PAK5: variants seen among roughly 807,000 people sequenced by gnomAD.
The protein encoded by PAK5 is serine/threonine-protein kinase PAK 5.
A neutral mutation model predicts 65.9 loss-of-function variants in PAK5; 16 were observed. The ratio of observed to expected loss-of-function variants is 0.24; its 90% confidence interval spans 0.16 to 0.37. The LOEUF (loss-of-function observed/expected upper bound fraction) is 0.37, where lower values mean the gene tolerates loss of function less well. PAK5 is among the 10% of genes least tolerant of loss of function. PAK5 has a pLI of 1.00. For synonymous variants in PAK5, 371 were observed against 354.9 expected (o/e 1.05, Z -0.51); for missense variants, 785 against 903.9 (o/e 0.87, Z 1.69).
chr20:9,605,421 G>A (rs1252521834), intron 3 of PAK5, among the ~76,000 whole-genome samples: 1 of 152,220 alleles, frequency 6.6e-6, no homozygotes. Flanking sequence ...ATGGATAGAT[G>A]TAGGTTTGAA....
intron 2 of PAK5, among the ~76,000 whole-genome samples, chr20:9,676,867 T>C (rs975553919): frequency 2.0e-5 from 3 of 152,214 alleles, no homozygotes; most frequent in Non-Finnish European, 2.9e-5. Flanking sequence ...TGCTTATGTT[T>C]TGTGCATTAA....
chr20:9,560,951 G>C (rs874055), intron 6 of PAK5, among the ~76,000 whole-genome samples: 24,599 of 152,140 alleles, frequency 0.16, 2,337 homozygotes, highest in African/African-American at 0.26. Flanking sequence ...CTGAGATTCT[G>C]CATTTCTAAC....
chr20:9,773,596 T>G (rs960223133), intron 1 of PAK5, among the ~76,000 whole-genome samples: 2 of 151,952 alleles, frequency 1.3e-5, no homozygotes, highest in Admixed American at 1.3e-4. Flanking sequence ...AGGAAGTATA[T>G]GAGAAAGAGA....
At chr20:9,539,667 C>G (rs745680969) in intron 9 of PAK5, 50 bp from the exon 10 acceptor site, 1 of 1,497,786 alleles carries the variant, frequency 6.7e-7, no homozygotes, top group Non-Finnish European at 9.2e-7. Flanking sequence ...GACACCTAAC[C>G]CAGTCCCCAA....
At chr20:9,701,113 A>T (rs1569047831) in intron 2 of PAK5, among the ~76,000 whole-genome samples, 1 of 152,172 alleles carries the variant, frequency 6.6e-6, no homozygotes. Flanking sequence ...TGGTCTCCAC[A>T]GGCATGAGAA....
intron 1 of PAK5, among the ~76,000 whole-genome samples, chr20:9,755,019 C>G (rs1260718513): frequency 6.6e-6 from 1 of 152,090 alleles, no homozygotes; most frequent in Non-Finnish European, 1.5e-5. Context: ...ATCAGCTGAC[C>G]AAATGTGATG....
chr20:9,764,486 C>A (rs1267736661), intron 1 of PAK5, among the ~76,000 whole-genome samples: 1 of 152,146 alleles, frequency 6.6e-6, no homozygotes, highest in Non-Finnish European at 1.5e-5. Context: ...GTGGGTATAT[C>A]ACTTTGAAGC....
chr20:9,689,707 G>T (rs754068407), intron 2 of PAK5, among the ~76,000 whole-genome samples: 2 of 152,200 alleles, frequency 1.3e-5, no homozygotes, highest in Non-Finnish European at 2.9e-5. Context: ...ATGGCTTTCT[G>T]ATCCTCTATA....
chr20:9,580,179 G>A lies in PAK5; in HGVS notation c.956C>T (p.Pro319Leu). 10 of 1,613,842 alleles carry A rather than the reference G, an allele frequency of 6.2e-6. No homozygotes were observed. Among genetic ancestry groups the A allele is most frequent in the Non-Finnish European group, 8.5e-6 (10 of 1,179,808 alleles). ...GCACATTGTGGGCTCGGACAAGCGA[G>A]GGTAGGTGTAGGAGTTGTAGGAGTG... ...QGHSYNSYTY[P>L]RLSEPTMCIP... The change falls in exon 4 of 10, where the codon CCT becomes CTT. Residue 319 changes from proline (P) to leucine (L), a missense_variant. By Grantham distance (98) the Pro-to-Leu change is moderately conservative. Coordinates refer to ENST00000353224, the MANE Select transcript of PAK5 (RefSeq NM_177990.4).
At chr20:9,680,592 A>T (rs559704646) in intron 2 of PAK5, among the ~76,000 whole-genome samples, 2 of 152,302 alleles carry the variant, frequency 1.3e-5, no homozygotes, top group Non-Finnish European at 2.9e-5. Context: ...ACTGTACCTG[A>T]CACATTAACT....
At chr20:9,704,966 G>T (rs2047987546) in intron 2 of PAK5, among the ~76,000 whole-genome samples, 1 of 152,178 alleles carries the variant, frequency 6.6e-6, no homozygotes, top group Admixed American at 6.5e-5. Flanking sequence ...GGAGCAAGAC[G>T]CTCTCAACCA....
At chr20:9,577,158 C>T (rs1157675260) in intron 4 of PAK5, among the ~76,000 whole-genome samples, 1 of 152,126 alleles carries the variant, frequency 6.6e-6, no homozygotes. Flanking sequence ...TTTTGTTTGG[C>T]TTTGCTTCCC....
chr20:9,719,878 A>G (rs536778525), intron 1 of PAK5, among the ~76,000 whole-genome samples: 2 of 152,336 alleles, frequency 1.3e-5, no homozygotes, highest in East Asian at 3.9e-4. Flanking sequence ...GTACTACACA[A>G]CATTAGGTTT....
At chr20:9,631,438 G>T (rs1416102433) in intron 3 of PAK5, among the ~76,000 whole-genome samples, 1 of 152,168 alleles carries the variant, frequency 6.6e-6, no homozygotes, top group African/African-American at 2.4e-5. Context: ...TTGCTTTCCT[G>T]CTAGCCTTGA....
At chr20:9,607,598 G>T (rs1301521922) in intron 3 of PAK5, among the ~76,000 whole-genome samples, 1 of 152,138 alleles carries the variant, frequency 6.6e-6, no homozygotes, top group African/African-American at 2.4e-5. Context: ...AGGCCAAGGT[G>T]GGAGGATCAC....
At chr20:9,641,578 G>A (rs962429137) in intron 3 of PAK5, among the ~76,000 whole-genome samples, 2 of 151,924 alleles carry the variant, frequency 1.3e-5, no homozygotes, top group African/African-American at 2.4e-5. Flanking sequence ...CCAGTCCTGT[G>A]CGGTGCGCTC....
At chr20:9,645,748 G>A (rs1219937441) in intron 2 of PAK5, among the ~76,000 whole-genome samples, 1 of 152,060 alleles carries the variant, frequency 6.6e-6, no homozygotes, top group Non-Finnish European at 1.5e-5. Flanking sequence ...CCATGCCCAA[G>A]CTAATTTTTC....
At chr20:9,815,214 A>C (rs1269464552) in intron 1 of PAK5, among the ~76,000 whole-genome samples, 1 of 152,186 alleles carries the variant, frequency 6.6e-6, no homozygotes, top group Non-Finnish European at 1.5e-5. Context: ...CACCTCCAAC[A>C]CTGAGGATCA....
At chr20:9,707,689 T>C (rs2048025781) in intron 2 of PAK5, among the ~76,000 whole-genome samples, 1 of 152,158 alleles carries the variant, frequency 6.6e-6, no homozygotes, top group Non-Finnish European at 1.5e-5. Flanking sequence ...TCCTTACACT[T>C]ATTCTCTTGA....
Sources: gnomAD v4.1 joint callset for allele counts (sites outside exome capture counted in the v4.1 genomes callset) on GRCh38, gnomAD v4.1.1 for gene constraint, MANE v1.5 for transcripts, NCBI Gene and HGNC (gene_info 2026-07-23, HGNC 2026-07-21) for gene names.